SLC34A2: variants seen among roughly 807,000 people sequenced by gnomAD.
SLC34A2 encodes solute carrier family 34 member 2, also known as sodium-dependent phosphate transport protein 2B.
In SLC34A2, 41 loss-of-function variants were observed where a neutral mutation model predicts 50.8. The ratio of observed to expected loss-of-function variants is 0.81; its 90% CI spans 0.63 to 1.05. The LOEUF is 1.05. Ranked by LOEUF, SLC34A2 falls within the 50% of genes least tolerant of loss-of-function variation. The probability of loss-of-function intolerance (pLI) is 0.00; values close to 1 mark genes in which losing one functional copy is unlikely to be tolerated. For missense variants in SLC34A2, 879 were observed against 876.7 expected (o/e 1.00, Z -0.03); for synonymous variants, 401 against 364.2 (o/e 1.10, Z -1.15).
At position 25,655,907 on chromosome 4, in the gene SLC34A2, G is replaced by T. The variant is rs547755605; in HGVS notation, c.-4+17G>T. The T allele has an allele frequency of 6.6e-6, 1 of 152,024 alleles. No homozygotes were observed. The highest frequency in any genetic ancestry group is 2.1e-4 in the South Asian group (1 of 4,802). The allele number at this position is 152,024 out of a possible 1,614,324, so 9.4% of individuals were successfully genotyped here. On this transcript the variant is annotated intron_variant, in intron 1 of 12. Coordinates refer to ENST00000382051, the MANE Select transcript of SLC34A2 (RefSeq NM_006424.3). ...GGAGCGCTGGTGAGTACCGCCGCCG[G>T]GGCAGGGGCGCTTCCTCGCTCTTTC...
At chr4:25,666,444 G>C (rs1483361054) in intron 5 of SLC34A2, among the ~76,000 whole-genome samples, 173 bp downstream of exon 5, 1 of 152,136 alleles carries the variant, frequency 6.6e-6, no homozygotes, top group Non-Finnish European at 1.5e-5. Flanking sequence ...GCAACTTCCT[G>C]TTTCCATTTC....
intron 1 of SLC34A2, among the ~76,000 whole-genome samples, chr4:25,658,323 CT>C (rs1026471508): frequency 2.6e-5 from 4 of 152,208 alleles, no homozygotes; most frequent in African/African-American, 9.6e-5. Flanking sequence ...CTTGTGAAGG[CT>C]GCCATTCTGA....
chr4:25,674,159 T>C, intron 10 of SLC34A2, 137 bp from the exon 11 acceptor site: 1 of 720,330 alleles, frequency 1.4e-6, no homozygotes, highest in Non-Finnish European at 2.5e-6. Context: ...GAAACTGGAT[T>C]CTAAAACTCT....
intron 12 of SLC34A2, among the ~76,000 whole-genome samples, 186 bp downstream of exon 12, chr4:25,674,815 T>C (rs969497967): frequency 2.0e-5 from 3 of 152,216 alleles, no homozygotes; most frequent in Non-Finnish European, 4.4e-5. Flanking sequence ...CTATCAGTTC[T>C]GAGAGAAGCA....
intron 9 of SLC34A2, 104 bp from the exon 10 acceptor site, chr4:25,672,983 C>G (rs774564780): frequency 1.6e-6 from 2 of 1,287,312 alleles, no homozygotes; most frequent in Non-Finnish European, 2.2e-6. Context: ...AAACTAACAA[C>G]CAGGAATCTG....
intron 1 of SLC34A2, among the ~76,000 whole-genome samples, chr4:25,661,530 GGCACCCACCACCATCCCCT>G (rs1714183641): frequency 6.6e-6 from 1 of 152,060 alleles, no homozygotes; most frequent in African/African-American, 2.4e-5. Context: ...TGGGATTACA[GGCACCCACCACCATCCCCT>G]GCTAATTTTT....
chr4:25,674,560 C>T lies in SLC34A2; in HGVS notation c.1389C>T (p.Ile463=), dbSNP rs1039506193. The T allele has an allele frequency of 5.3e-5, 86 of 1,614,046 alleles. No homozygotes were observed. Among genetic ancestry groups the T allele is most frequent in the Non-Finnish European group, 7.0e-5 (83 of 1,180,042 alleles). The change falls in exon 12 of 13, where the codon ATC becomes ATT. Residue 463 remains isoleucine (I), a synonymous_variant. Transcript: ENST00000382051. ...ATCCACTCACGCTGGGCTCCAACATCGGCACCACCACCACCGCCATCCTGG... is the reference window on the plus strand; with the variant it reads ...ATCCACTCACGCTGGGCTCCAACATTGGCACCACCACCACCGCCATCCTGG... ...RAYPLTLGSN[I]GTTTTAILAA...
chr4:25,664,412 T>C, intron 4 of SLC34A2, 82 bp downstream of exon 4: 2 of 1,488,728 alleles, frequency 1.3e-6, no homozygotes, highest in Non-Finnish European at 9.4e-7. Flanking sequence ...CAGCAAGCCC[T>C]CTCCAGCTGC....
rs973118328 is a variant in SLC34A2 at position 25,672,979 on chromosome 4, A to G, written c.1049-108A>G. ...TTTGGGGCTGCCATCTGTTAAACTA[A>G]CAACCAGGAATCTGTTTGTAGGAAA... On this transcript the variant is annotated intron_variant, in intron 9 of 12. Coordinates refer to ENST00000382051, the MANE Select transcript of SLC34A2 (RefSeq NM_006424.3). 3.9e-6 allele frequency: 5 copies of G among 1,274,168 alleles called. No individual in the cohort carries two copies. The African/African-American group carries it at 7.3e-5, about 19-fold the overall frequency. The allele number at this position is 1,274,168 out of a possible 1,614,324, so 78.9% of individuals were successfully genotyped here.
chr4:25,666,897 A>C, intron 5 of SLC34A2: 1 of 151,828 alleles, frequency 6.6e-6, no homozygotes, highest in Non-Finnish European at 1.5e-5. Flanking sequence ...GATTATTATT[A>C]TTTTTTTTTC....
chr4:25,659,706 G>T lies in SLC34A2; in HGVS notation c.-3-2792G>T, dbSNP rs564702745. 3.3e-4 allele frequency among the ~76,000 whole-genome samples: 51 copies of T among 152,280 alleles called. 1 individual carries two copies. The highest frequency in any genetic ancestry group is 3.2e-4 in the Non-Finnish European group (22 of 68,030). Reference sequence around the variant, plus strand: ...GAAGCTGAAGCTCAGAGTGGCTCAGGGTTGCATATAGTGAGGGGCAGGCCT... The same window carrying T: ...GAAGCTGAAGCTCAGAGTGGCTCAGTGTTGCATATAGTGAGGGGCAGGCCT... On this transcript the variant is annotated intron_variant, in intron 1 of 12. Transcript: ENST00000382051.
chr4:25,663,546 G>A (rs1217559491), intron 3 of SLC34A2, among the ~76,000 whole-genome samples: 1 of 152,096 alleles, frequency 6.6e-6, no homozygotes. Context: ...AGCAATCACT[G>A]TTTCATTTCC....
chr4:25,667,918 G>T lies in SLC34A2; in HGVS notation c.562G>T (p.Ala188Ser). Residue 188 changes from alanine to serine, a missense_variant, in exon 6 of 13, where the codon GCC becomes TCC. Coordinates refer to ENST00000382051, the MANE Select transcript of SLC34A2 (RefSeq NM_006424.3). ...VRAAIPIIMG[A>S]NIGTSITNTI... ...GGCTGCCATCCCCATTATCATGGGG[G>T]CCAACATTGGAACGTCAATCACCAA... is the stretch of plus-strand genomic sequence containing the variant. The T allele has an allele frequency of 6.2e-7, 1 of 1,613,926 alleles. No homozygotes were observed. The highest frequency in any genetic ancestry group is 8.5e-7 in the Non-Finnish European group (1 of 1,179,832).
Position 25,669,709 on chromosome 4 carries a change from C to T in SLC34A2, c.698C>T (p.Pro233Leu). Residue 233 changes from proline (P) to leucine (L), a missense_variant, in exon 7 of 13, where the codon CCC becomes CTC. Physicochemically the swap from Pro to Leu is moderately conservative, Grantham distance 98. Coordinates refer to ENST00000382051, the MANE Select transcript of SLC34A2 (RefSeq NM_006424.3). ...TGGCTGTCCGTGTTGGTGCTCTTGCCCGTGGAGGTGGCCACCCATTACCTC... is the reference window on the plus strand; with the variant it reads ...TGGCTGTCCGTGTTGGTGCTCTTGCTCGTGGAGGTGGCCACCCATTACCTC... ...FNWLSVLVLL[P>L]VEVATHYLEI... 1 of 1,614,114 alleles carries T rather than the reference C, an allele frequency of 6.2e-7. No individual in the cohort carries two copies. Among genetic ancestry groups the T allele is most frequent in the South Asian group, 1.1e-5 (1 of 91,078 alleles).
intron 4 of SLC34A2, 23 bp downstream of exon 4, chr4:25,664,353 T>G: frequency 1.2e-6 from 2 of 1,613,734 alleles, no homozygotes; most frequent in Non-Finnish European, 1.7e-6. Flanking sequence ...GGGTGAGAGG[T>G]CTGCGGGTGA....
intron 5 of SLC34A2, among the ~76,000 whole-genome samples, chr4:25,666,649 A>G (rs1714517080): frequency 6.6e-6 from 1 of 152,240 alleles, no homozygotes; most frequent in East Asian, 1.9e-4. Flanking sequence ...AAAGAGCCAC[A>G]TGTGGCTGGC....
intron 1 of SLC34A2, among the ~76,000 whole-genome samples, chr4:25,660,113 A>G (rs1357536323): frequency 6.6e-6 from 1 of 152,234 alleles, no homozygotes; most frequent in Non-Finnish European, 1.5e-5. Flanking sequence ...AGCAGCAAAT[A>G]TCTTTTTGGT....
intron 1 of SLC34A2, among the ~76,000 whole-genome samples, chr4:25,661,929 A>G (rs1262544189): frequency 1.3e-5 from 2 of 150,264 alleles, no homozygotes; most frequent in East Asian, 2.0e-4. Context: ...CTGGAGTGCA[A>G]TGGCACAATC....
chr4:25,658,152 G>C (rs1041531111), intron 1 of SLC34A2, among the ~76,000 whole-genome samples: 2 of 152,168 alleles, frequency 1.3e-5, no homozygotes, highest in African/African-American at 4.8e-5. Flanking sequence ...CATTTTAAAG[G>C]AGACTCTAAG....
Sources: gnomAD v4.1 joint callset for allele counts (sites outside exome capture counted in the v4.1 genomes callset) on GRCh38, gnomAD v4.1.1 for gene constraint, MANE v1.5 for transcripts, NCBI Gene and HGNC (gene_info 2026-07-23, HGNC 2026-07-21) for gene names.